The following GLRA2 variants were observed in gnomAD, a reference collection of about 807,000 sequenced individuals.
GLRA2 encodes the protein glycine receptor alpha 2.
A neutral mutation model predicts 31.6 loss-of-function variants in GLRA2; 11 were observed. The observed-to-expected ratio is 0.35, with a 90% CI of 0.22 to 0.58. The LOEUF (loss-of-function observed/expected upper bound fraction) is 0.58. Among genes scored for constraint, GLRA2 ranks in the 20% least tolerant of loss-of-function variants. The pLI, the probability that GLRA2 is intolerant of heterozygous loss-of-function variation, is 0.84. For missense variants in GLRA2, 212 were observed against 351.8 expected (o/e 0.60, Z 3.18); for synonymous variants, 132 against 134.0 (o/e 0.99, Z 0.10).
intron 2 of GLRA2, among the ~76,000 whole-genome samples, chrX:14,552,464 G>A (rs1467008938): frequency 1.8e-5 from 2 of 112,350 alleles, no homozygotes; most frequent in Non-Finnish European, 3.8e-5. Flanking sequence ...TCCAAATCCA[G>A]AAGCTAATGT....
the GLRA2 span, among the ~76,000 whole-genome samples, chrX:14,481,203 T>C: frequency 9.0e-6 from 1 of 111,451 alleles, no homozygotes; most frequent in Non-Finnish European, 1.9e-5. Context: ...ATGCTACTGA[T>C]TTCTGTACAT....
the GLRA2 span, among the ~76,000 whole-genome samples, chrX:14,482,719 A>AT: frequency 1.8e-5 from 2 of 110,511 alleles, no homozygotes; most frequent in Non-Finnish European, 3.8e-5. Context: ...ATCAGCAAAG[A>AT]TTTTTTTTAA....
intron 7 of GLRA2, among the ~76,000 whole-genome samples, chrX:14,639,928 T>C (rs985791915): frequency 1.8e-5 from 2 of 112,163 alleles, no homozygotes; most frequent in African/African-American, 6.5e-5. Context: ...TTAAATGATA[T>C]ATAGAACAAG....
intron 4 of GLRA2, among the ~76,000 whole-genome samples, chrX:14,583,158 CA>C (rs1445025379): frequency 9.0e-6 from 1 of 111,109 alleles, no homozygotes; most frequent in Non-Finnish European, 1.9e-5. Context: ...ATTAAAAAGT[CA>C]AAAAATAACA....
chrX:14,461,406 T>C, the GLRA2 span, among the ~76,000 whole-genome samples: 2 of 111,748 alleles, frequency 1.8e-5, no homozygotes, highest in Non-Finnish European at 3.8e-5. Context: ...GATATCCTCT[T>C]AATTTTCTGT....
intron 2 of GLRA2, among the ~76,000 whole-genome samples, chrX:14,573,536 T>C (rs2089912867): frequency 9.0e-6 from 1 of 111,131 alleles, no homozygotes; most frequent in South Asian, 3.8e-4. Context: ...AATAAATATC[T>C]TCCCCAGCAA....
At chrX:14,512,322 T>C in the GLRA2 span, among the ~76,000 whole-genome samples, 1 of 111,596 alleles carries the variant, frequency 9.0e-6, no homozygotes, top group East Asian at 2.8e-4. Flanking sequence ...TAATACTGAA[T>C]GGGGAAAAGT....
chrX:14,539,337 C>T lies in GLRA2; in HGVS notation c.202+6965C>T, dbSNP rs192487785. On this transcript the variant is annotated intron_variant, in intron 2 of 8. Coordinates refer to ENST00000218075, the MANE Select transcript of GLRA2 (RefSeq NM_002063.4). The stretch of plus-strand genomic sequence containing the variant: ...CATTCTGGGCTCCCTTTGGAATTAA[C>T]GCCTAGGATGCTGTCCTGACTGTTG... Among the ~76,000 whole-genome samples, 153 of 111,348 alleles carry T rather than the reference C, an allele frequency of 1.4e-3. 2 individuals carry two copies. The highest frequency in any genetic ancestry group is 2.2e-3 in the Non-Finnish European group (118 of 52,862).
the GLRA2 span, among the ~76,000 whole-genome samples, chrX:14,472,495 A>G: frequency 9.0e-6 from 1 of 110,939 alleles, no homozygotes; most frequent in Non-Finnish European, 1.9e-5. Flanking sequence ...TCCCTTAGCT[A>G]TTCTTCCTGA....
intron 7 of GLRA2, among the ~76,000 whole-genome samples, chrX:14,616,532 C>T (rs886234640): frequency 1.8e-5 from 2 of 111,730 alleles, no homozygotes; most frequent in African/African-American, 3.3e-5. Context: ...GAATTTAAAA[C>T]GAAAGAGGCC....
chrX:14,468,934 C>A, the GLRA2 span, among the ~76,000 whole-genome samples: 1 of 110,759 alleles, frequency 9.0e-6, no homozygotes, highest in Admixed American at 9.6e-5. Context: ...AGCATTTTTT[C>A]ATGTGTTTTT....
intron 8 of GLRA2, among the ~76,000 whole-genome samples, chrX:14,700,694 G>A (rs762983523): frequency 3.6e-5 from 4 of 111,024 alleles, no homozygotes; most frequent in Non-Finnish European, 5.7e-5. Flanking sequence ...GGACAGTGAG[G>A]AAGTGAGGAC....
At chrX:14,667,334 AATAG>A (rs2091046463) in intron 7 of GLRA2, among the ~76,000 whole-genome samples, 1 of 112,231 alleles carries the variant, frequency 8.9e-6, no homozygotes, top group African/African-American at 3.2e-5. Flanking sequence ...TAAAGAGATA[AATAG>A]ATAACATTTT....
chrX:14,608,566 ATATAGTATATGCTAT>A (rs1464927824), intron 6 of GLRA2, among the ~76,000 whole-genome samples: 3 of 105,915 alleles, frequency 2.8e-5, no homozygotes, highest in Non-Finnish European at 4.1e-5. Flanking sequence ...ATTATATGCT[ATATAGTATATGCTAT>A]TAATATATAA....
chrX:14,721,478 T>G (rs2091864683), intron 8 of GLRA2, among the ~76,000 whole-genome samples: 1 of 111,450 alleles, frequency 9.0e-6, no homozygotes, highest in Non-Finnish European at 1.9e-5. Context: ...AGGCTCCCTG[T>G]GAGTATGCTG....
chrX:14,493,941 C>G, the GLRA2 span, among the ~76,000 whole-genome samples: 50 of 108,467 alleles, frequency 4.6e-4, no homozygotes, highest in African/African-American at 1.6e-3. Flanking sequence ...AAATAACCAC[C>G]AATAATAGGA....
chrX:14,629,916 T>C (rs1256322606), intron 7 of GLRA2, among the ~76,000 whole-genome samples: 2 of 112,022 alleles, frequency 1.8e-5, no homozygotes, highest in Non-Finnish European at 3.8e-5. Flanking sequence ...TATTTCTTTA[T>C]ATATCATAAA....
At chrX:14,570,538 C>G (rs2089868569) in intron 2 of GLRA2, among the ~76,000 whole-genome samples, 1 of 111,680 alleles carries the variant, frequency 9.0e-6, no homozygotes, top group Non-Finnish European at 1.9e-5. Flanking sequence ...CAGCAGGGCT[C>G]AGATGGGGCC....
chrX:14,578,729 A>G (rs2089983370), intron 3 of GLRA2, among the ~76,000 whole-genome samples: 1 of 111,987 alleles, frequency 8.9e-6, no homozygotes, highest in African/African-American at 3.2e-5. Context: ...ATATAAAGGC[A>G]TGGTTTGAGA....
Sources: allele counts gnomAD v4.1 joint callset (sites outside exome capture counted in the v4.1 genomes callset), GRCh38; gene constraint gnomAD v4.1.1; transcripts MANE v1.5; gene names NCBI Gene and HGNC (gene_info 2026-07-23, HGNC 2026-07-21).